Variants in FBXL7 observed in about 807,000 individuals in gnomAD.
The protein encoded by FBXL7 is F-box and leucine rich repeat protein 7.
A neutral mutation model predicts 38.3 loss-of-function variants in FBXL7; 12 were observed. The observed-to-expected ratio is 0.31, with a 90% CI of 0.20 to 0.51. The LOEUF (loss-of-function observed/expected upper bound fraction) is 0.51, where lower values mean the gene tolerates loss of function less well. Among genes scored for constraint, FBXL7 ranks in the 20% least tolerant of loss-of-function variants. The pLI, the probability that FBXL7 is intolerant of heterozygous loss-of-function variation, is 0.98. For synonymous variants in FBXL7, 297 were observed against 300.9 expected (o/e 0.99, Z 0.13); for missense variants, 567 against 676.4 (o/e 0.84, Z 1.79).
chr5:15,873,782 C>A (rs1740077001), intron 2 of FBXL7, among the ~76,000 whole-genome samples: 1 of 152,102 alleles, frequency 6.6e-6, no homozygotes, highest in Admixed American at 6.5e-5. Flanking sequence ...TAATAGCCTA[C>A]CAACCAAAAG....
chr5:15,770,502 C>G (rs1008480996), intron 2 of FBXL7, among the ~76,000 whole-genome samples: 1 of 152,152 alleles, frequency 6.6e-6, no homozygotes, highest in African/African-American at 2.4e-5. Context: ...GACCGTGAGG[C>G]AGAGCCCAAG....
rs561043835 is a variant in FBXL7 at position 15,680,666 on chromosome 5, C to T, written c.127+64594C>T. On this transcript the variant is annotated intron_variant, in intron 2 of 3. Coordinates refer to ENST00000504595, the MANE Select transcript of FBXL7 (RefSeq NM_012304.5). ...ATAAATGGTTGCTGAAGCCCAGTTA[C>T]GTCATGAGTGTGAGCCAGCTTTAAT... Among the ~76,000 whole-genome samples, 8 of 152,284 alleles carry T rather than the reference C, an allele frequency of 5.3e-5. No individual in the cohort carries two copies. The East Asian group carries it at 7.7e-4, about 15-fold the overall frequency.
intron 1 of FBXL7, among the ~76,000 whole-genome samples, chr5:15,519,079 C>T (rs1275610406): frequency 6.6e-6 from 1 of 152,062 alleles, no homozygotes. Context: ...CGCGGTGGCT[C>T]ATGCTGGTAA....
chr5:15,811,616 A>G (rs900292736), intron 2 of FBXL7, among the ~76,000 whole-genome samples: 1 of 152,084 alleles, frequency 6.6e-6, no homozygotes, highest in African/African-American at 2.4e-5. Context: ...AGCCAATAAC[A>G]GTGTTCCATG....
rs181536510 is a variant in FBXL7 at position 15,596,142 on chromosome 5, A to C, written c.38-19841A>C. Among the ~76,000 whole-genome samples the C allele has an allele frequency of 3.9e-3, 593 of 152,304 alleles. 6 individuals are homozygous for C. The highest frequency in any genetic ancestry group is 0.014 in the African/African-American group (575 of 41,568). On this transcript the variant is annotated intron_variant, in intron 1 of 3. Coordinates refer to ENST00000504595, the MANE Select transcript of FBXL7 (RefSeq NM_012304.5). ...AGCACTCTTGTCTGTAAAATCAAGGACTGTTGACTCAACTGCATTAAACCA... is the reference window on the plus strand; with the variant it reads ...AGCACTCTTGTCTGTAAAATCAAGGCCTGTTGACTCAACTGCATTAAACCA...
At chr5:15,606,332 TTATG>T (rs1387939691) in intron 1 of FBXL7, among the ~76,000 whole-genome samples, 3 of 152,144 alleles carry the variant, frequency 2.0e-5, no homozygotes, top group Admixed American at 1.3e-4. Flanking sequence ...GCGTGTATGA[TTATG>T]TATATTCTCA....
chr5:15,760,279 T>C (rs1245879610), intron 2 of FBXL7, among the ~76,000 whole-genome samples: 1 of 152,096 alleles, frequency 6.6e-6, no homozygotes, highest in African/African-American at 2.4e-5. Flanking sequence ...ATTCATGTCA[T>C]AGGAAAATGA....
chr5:15,812,826 C>A (rs895498060), intron 2 of FBXL7, among the ~76,000 whole-genome samples: 1 of 152,088 alleles, frequency 6.6e-6, no homozygotes, highest in African/African-American at 2.4e-5. Context: ...GTTTGTAGTT[C>A]TCCTTGAAGA....
intron 2 of FBXL7, among the ~76,000 whole-genome samples, chr5:15,647,822 C>T (rs1741578639): frequency 6.6e-6 from 1 of 152,158 alleles, no homozygotes; most frequent in Non-Finnish European, 1.5e-5. Flanking sequence ...TCTCATTTTA[C>T]AGATAAATAA....
chr5:15,633,779 TTTA>T (rs1427902908), intron 2 of FBXL7, among the ~76,000 whole-genome samples: 4 of 137,732 alleles, frequency 2.9e-5, no homozygotes, highest in South Asian at 2.2e-4. Context: ...TTATTATTAT[TTTA>T]TTATTTTATT....
At chr5:15,800,939 C>T (rs1020873449) in intron 2 of FBXL7, among the ~76,000 whole-genome samples, 2 of 152,170 alleles carry the variant, frequency 1.3e-5, no homozygotes, top group African/African-American at 4.8e-5. Flanking sequence ...GCTTGTATTA[C>T]ACACATAACC....
At chr5:15,788,172 C>T (rs1026249894) in intron 2 of FBXL7, among the ~76,000 whole-genome samples, 1 of 152,152 alleles carries the variant, frequency 6.6e-6, no homozygotes, top group Non-Finnish European at 1.5e-5. Context: ...GGGCCCAACG[C>T]AATGGAGTAT....
At chr5:15,676,396 A>G (rs1742655776) in intron 2 of FBXL7, among the ~76,000 whole-genome samples, 1 of 152,248 alleles carries the variant, frequency 6.6e-6, no homozygotes, top group South Asian at 2.1e-4. Context: ...GCAGCAGGGT[A>G]TTGATGCCAA....
At chr5:15,643,700 A>G (rs1175967080) in intron 2 of FBXL7, among the ~76,000 whole-genome samples, 1 of 152,206 alleles carries the variant, frequency 6.6e-6, no homozygotes, top group Non-Finnish European at 1.5e-5. Flanking sequence ...TACAAGGTTG[A>G]TGGAGATGAT....
chr5:15,747,885 C>T (rs1736055695), intron 2 of FBXL7, among the ~76,000 whole-genome samples: 1 of 152,142 alleles, frequency 6.6e-6, no homozygotes, highest in African/African-American at 2.4e-5. Context: ...GGACTATTGC[C>T]CAGCTAGATG....
chr5:15,695,993 G>A (rs369862077), intron 2 of FBXL7, among the ~76,000 whole-genome samples: 3 of 152,300 alleles, frequency 2.0e-5, no homozygotes, highest in Non-Finnish European at 2.9e-5. Flanking sequence ...CAAAAAATTC[G>A]TATCTTCGCA....
At chr5:15,927,145 G>A (rs954733767) in intron 2 of FBXL7, among the ~76,000 whole-genome samples, 32 of 152,056 alleles carry the variant, frequency 2.1e-4, no homozygotes, top group African/African-American at 7.5e-4. Flanking sequence ...ACAGGGACTA[G>A]TCCAGCTGGT....
At chr5:15,878,892 A>T (rs1740324118) in intron 2 of FBXL7, among the ~76,000 whole-genome samples, 1 of 152,184 alleles carries the variant, frequency 6.6e-6, no homozygotes, top group African/African-American at 2.4e-5. Flanking sequence ...GGAAAGCAGA[A>T]CCCAGAGTCT....
intron 1 of FBXL7, among the ~76,000 whole-genome samples, chr5:15,566,884 C>T (rs1057208324): frequency 1.3e-5 from 2 of 152,054 alleles, no homozygotes; most frequent in African/African-American, 4.8e-5. Context: ...TGCATTTGTA[C>T]CTGTAGAAAG....
Sources: gnomAD v4.1 joint callset for allele counts (sites outside exome capture counted in the v4.1 genomes callset) on GRCh38, gnomAD v4.1.1 for gene constraint, MANE v1.5 for transcripts, NCBI Gene and HGNC (gene_info 2026-07-23, HGNC 2026-07-21) for gene names.